The following SRCAP variants were observed in gnomAD, a reference collection of about 807,000 sequenced individuals.
The protein encoded by SRCAP is chromatin remodeling protein SRCAP.
A neutral mutation model predicts 263.1 loss-of-function variants in SRCAP; 46 were observed. That is an observed-to-expected ratio of 0.17 (90% CI 0.14 to 0.22). SRCAP has a LOEUF of 0.22. Among genes scored for constraint, SRCAP ranks in the 10% least tolerant of loss-of-function variants. The pLI is 1.00. For missense variants in SRCAP, 3,695 were observed against 4,181.9 expected, an observed-to-expected ratio of 0.88 and a Z score of 3.21; for synonymous variants, 1,813 against 1,662.1, an observed-to-expected ratio of 1.09 and a Z score of -2.21.
rs1190796094 is a variant in SRCAP, at chr16:30,737,640, G to A, written c.7600G>A (p.Val2534Met). The A allele has an allele frequency of 6.2e-7, 1 of 1,613,792 alleles. No homozygotes were observed. The highest frequency in any genetic ancestry group is 8.5e-7 in the Non-Finnish European group (1 of 1,179,998). ...SSPLLLGPPSVPISASVTNLP... is the reference protein window; with the variant it reads ...SSPLLLGPPSMPISASVTNLP... Reference sequence around the variant, plus strand: ...TCCTCTCTTGCTTGGTCCACCTTCTGTGCCCATCTCTGCCTCAGTCACTAA... The same window carrying A: ...TCCTCTCTTGCTTGGTCCACCTTCTATGCCCATCTCTGCCTCAGTCACTAA... Residue 2534 changes from valine (V) to methionine (M), a missense_variant, in exon 34 of 34, where the codon GTG (valine) becomes ATG (methionine). Coordinates refer to ENST00000262518, the MANE Select transcript of SRCAP (RefSeq NM_006662.3).
At chr16:30,705,260 A>G (rs1367636974) in intron 4 of SRCAP, among the ~76,000 whole-genome samples, 1 of 152,198 alleles carries the variant, frequency 6.6e-6, no homozygotes, top group Non-Finnish European at 1.5e-5. Flanking sequence ...AGATGATGCC[A>G]CTGCACACCA....
chr16:30,729,559 C>G lies in SRCAP; in HGVS notation c.6114C>G (p.Ile2038Met). 6.2e-7 allele frequency: 1 copy of G among 1,614,138 alleles called. No homozygotes were observed. The highest frequency in any genetic ancestry group is 8.5e-7 in the Non-Finnish European group (1 of 1,180,036). ...CCCAGTTCCCTGACTTAAGACTCATCCAGTATGATTGCGGTGAGTTTGTTG... is the reference window on the plus strand; with the variant it reads ...CCCAGTTCCCTGACTTAAGACTCATGCAGTATGATTGCGGTGAGTTTGTTG... ...MRTQFPDLRL[I>M]QYDCGKLQTL... The change falls in exon 27 of 34, where the codon ATC (isoleucine) becomes ATG (methionine). Residue 2038 changes from isoleucine to methionine, a missense_variant. Around this residue, in one of 12 missense-constraint regions of SRCAP, gnomAD observed 138 missense variants for 254.9 expected, o/e 0.54. Transcript: ENST00000262518.
intron 16 of SRCAP, among the ~76,000 whole-genome samples, chr16:30,714,428 C>G (rs1411982435): frequency 6.6e-6 from 1 of 151,412 alleles, no homozygotes; most frequent in African/African-American, 2.4e-5. Flanking sequence ...CCAGGATGGT[C>G]TCGATCTCCT....
Position 30,737,751 on chromosome 16 carries a change from A to G in SRCAP, c.7711A>G (p.Ser2571Gly), listed in dbSNP as rs770501886. ...PESLELASVA[S>G]SETSSLSLVP... ...GTCCCTGGAGCTGGCTTCTGTGGCC[A>G]GTTCAGAAACCTCCTCACTTTCTCT... The change falls in exon 34 of 34, where the codon AGT becomes GGT. Residue 2571 changes from serine (S) to glycine (G), a missense_variant. Coordinates refer to ENST00000262518, the MANE Select transcript of SRCAP (RefSeq NM_006662.3). 1.2e-6 allele frequency: 2 copies of G among 1,614,178 alleles called. No individual in the cohort carries two copies. The highest frequency in any genetic ancestry group is 1.1e-5 in the South Asian group (1 of 91,084).
At chr16:30,720,128 CTTCT>C in intron 18 of SRCAP, 30 bp from the exon 19 acceptor site, 7 of 1,584,906 alleles carry the variant, frequency 4.4e-6, no homozygotes, top group Non-Finnish European at 6.0e-6. Context: ...TGATTTTGTT[CTTCT>C]TTATGACTGT....
chr16:30,728,751 GAGAA>G (rs977820660), intron 25 of SRCAP, among the ~76,000 whole-genome samples: 6 of 152,124 alleles, frequency 3.9e-5, no homozygotes, highest in Admixed American at 1.3e-4. Context: ...CATAACTTCT[GAGAA>G]AGAATAGTTA....
At chr16:30,713,420 A>G (rs2052912858) in intron 15 of SRCAP, 43 bp downstream of exon 15, 1 of 1,612,882 alleles carries the variant, frequency 6.2e-7, no homozygotes, top group South Asian at 1.1e-5. Context: ...TGACTTGGCT[A>G]GAAGGGAGGG....
rs778738758 is a variant in SRCAP, at chr16:30,709,971, G to T, written c.977G>T (p.Arg326Leu). 4 of 1,614,216 alleles carry T rather than the reference G, an allele frequency of 2.5e-6. 1 individual carries two copies. Among genetic ancestry groups the T allele is most frequent in the Middle Eastern group, 1.6e-4 (1 of 6,062 alleles). ...AGGCGTGAGATTGAGCTGCTTCGCC[G>T]TGAGGGAGAATTGCCACTGGAAGAG... ...AQRREIELLR[R>L]EGELPLEELL... Residue 326 changes from arginine to leucine, a missense_variant, in exon 8 of 34, where the codon CGT becomes CTT. By Grantham distance (102) the Arg-to-Leu change is moderately radical (BLOSUM62 -2). Around this residue, in one of 12 missense-constraint regions of SRCAP, gnomAD observed 30 missense variants for 54.1 expected, o/e 0.55. Transcript: ENST00000262518.
chr16:30,727,889 G>A (rs2053078160), intron 25 of SRCAP, among the ~76,000 whole-genome samples: 1 of 152,042 alleles, frequency 6.6e-6, no homozygotes, highest in African/African-American at 2.4e-5. Flanking sequence ...GTTTTGCCAT[G>A]TTGCCCAAAC....
chr16:30,733,810 T>A lies in SRCAP; in HGVS notation c.6494+12T>A. Reference sequence around the variant, plus strand: ...GTCCACATATATAGGTATTGCCTAGTCTTCCCTCACCTTACTTTCCGTTTA... The same window carrying A: ...GTCCACATATATAGGTATTGCCTAGACTTCCCTCACCTTACTTTCCGTTTA... On this transcript the variant is annotated intron_variant, in intron 29 of 33. Coordinates refer to ENST00000262518, the MANE Select transcript of SRCAP (RefSeq NM_006662.3). The surrounding 1 kb of genome is among the most constrained non-coding windows in gnomAD (Gnocchi z 5.3). The A allele has an allele frequency of 6.2e-7, 1 of 1,612,228 alleles. No individual in the cohort carries two copies. The highest frequency in any genetic ancestry group is 2.2e-5 in the East Asian group (1 of 44,852).
Position 30,737,431 on chromosome 16 carries a change from C to A in SRCAP, c.7391C>A (p.Ala2464Asp). The change falls in exon 34 of 34, where the codon GCC becomes GAC. Residue 2464 changes from alanine to aspartate, a missense_variant. Around this residue, in one of 12 missense-constraint regions of SRCAP, gnomAD observed 1,207 missense variants for 1,142.9 expected, o/e 1.06. Coordinates refer to ENST00000262518, the MANE Select transcript of SRCAP (RefSeq NM_006662.3). ...GCCCTTGTTCCTGTCCCAGTTTCTG[C>A]CCCAGTACCCATTTCAGCCCCAAAT... ...IPALVPVPVSAPVPISAPNPI... is the reference protein window; with the variant it reads ...IPALVPVPVSDPVPISAPNPI... 1 of 1,598,714 alleles carries A rather than the reference C, an allele frequency of 6.3e-7. No individual in the cohort carries two copies. Among genetic ancestry groups the A allele is most frequent in the Non-Finnish European group, 8.5e-7 (1 of 1,171,914 alleles).
intron 16 of SRCAP, among the ~76,000 whole-genome samples, chr16:30,715,409 C>CA (rs1309885136): frequency 6.6e-6 from 1 of 151,948 alleles, no homozygotes; most frequent in Non-Finnish European, 1.5e-5. Flanking sequence ...ACTAAAAATA[C>CA]AAAAAATTAG....
rs2053208309 is a variant in SRCAP at position 30,739,930 on chromosome 16, C to T, written c.*197C>T. On this transcript the variant is annotated 3_prime_UTR_variant, in exon 34 of 34. Transcript: ENST00000262518. Reference sequence around the variant, plus strand: ...TGGGGATCATCACAGTCCCCTTCCCCTTCACCCCACGTGGCTGGGCAGTGT... The same window carrying T: ...TGGGGATCATCACAGTCCCCTTCCCTTTCACCCCACGTGGCTGGGCAGTGT... The T allele has an allele frequency of 1.2e-6, 1 of 836,914 alleles. No individual in the cohort carries two copies. The highest frequency in any genetic ancestry group is 1.8e-5 in the African/African-American group (1 of 57,050). 51.8% of individuals were successfully genotyped at this position (836,914 alleles called of 1,614,324 possible). A position where few individuals can be genotyped will look rare whatever the true frequency, so the allele number is the denominator to read the frequency against.
chr16:30,704,664 C>T (rs2151284946), intron 4 of SRCAP, among the ~76,000 whole-genome samples: 2 of 152,016 alleles, frequency 1.3e-5, no homozygotes, highest in East Asian at 1.9e-4. Flanking sequence ...GTGGTAAAAC[C>T]CCATCTCTGT....
In SRCAP at chr16:30,739,165, G is replaced by A. The variant is rs762220437; in HGVS notation, c.9125G>A (p.Arg3042Gln). ...GAGAGCTGTGGATTGGGGAGGCGACGGCAACCCCAGGGCCAAGGGGAGAGT... is the reference window on the plus strand; with the variant it reads ...GAGAGCTGTGGATTGGGGAGGCGACAGCAACCCCAGGGCCAAGGGGAGAGT... ...VLESCGLGRR[R>Q]QPQGQGESEG... The change falls in exon 34 of 34, where the codon CGG becomes CAG. Residue 3042 changes from arginine to glutamine, a missense_variant. Coordinates refer to ENST00000262518, the MANE Select transcript of SRCAP (RefSeq NM_006662.3). 9.9e-6 allele frequency: 16 copies of A among 1,613,856 alleles called. No individual in the cohort carries two copies. Among genetic ancestry groups the A allele is most frequent in the African/African-American group, 4.0e-5 (3 of 74,926 alleles).
rs562980604 is a variant in SRCAP, at chr16:30,740,865, C to G, written c.*1132C>G. 1.3e-5 allele frequency: 2 copies of G among 152,424 alleles called. No individual in the cohort carries two copies. Among genetic ancestry groups the G allele is most frequent in the African/African-American group, 4.8e-5 (2 of 41,570 alleles). The allele number at this position is 152,424 out of a possible 1,614,324, so 9.4% of individuals were successfully genotyped here. A position where few individuals can be genotyped will look rare whatever the true frequency, so the allele number is the denominator to read the frequency against. ...CATTCTTTGCTCTCTACTTGTCTCG[C>G]CCCTTTCACCTTTCCTATCCTTCGT... On this transcript the variant is annotated 3_prime_UTR_variant, in exon 34 of 34. Coordinates refer to ENST00000262518, the MANE Select transcript of SRCAP (RefSeq NM_006662.3).
Position 30,734,549 on chromosome 16 carries a change from C to T in SRCAP, c.6663C>T (p.Ser2221=), listed in dbSNP as rs755312139. Residue 2221 remains serine (S), a synonymous_variant, in exon 31 of 34, where the codon TCC becomes TCT. Coordinates refer to ENST00000262518, the MANE Select transcript of SRCAP (RefSeq NM_006662.3). ...CCCTGGAGGAACCTTCTAGCTCATC[C>T]GTGCCCTCTGCCCCTGAAGAGGAGG... The part of the protein sequence containing the change: ...DMPLEEPSSS[S]VPSAPEEEEE... 3.2e-5 allele frequency: 52 copies of T among 1,613,828 alleles called. No homozygotes were observed. Among genetic ancestry groups the T allele is most frequent in the African/African-American group, 4.0e-5 (3 of 74,852 alleles).
In SRCAP at chr16:30,723,311, T is replaced by C. The variant is rs1205656489; in HGVS notation, c.4159+82T>C. 4.6e-6 allele frequency: 7 copies of C among 1,512,578 alleles called. No homozygotes were observed. The African/African-American group carries it at 8.4e-5, about 18-fold the overall frequency. 93.7% of individuals were successfully genotyped at this position (1,512,578 alleles called of 1,614,324 possible). Reference sequence around the variant, plus strand: ...TCGCCTCAAGGTTTCTTAGTTTTAGTACAGGTTTTTTCATATCAGCGTACT... The same window carrying C: ...TCGCCTCAAGGTTTCTTAGTTTTAGCACAGGTTTTTTCATATCAGCGTACT... On this transcript the variant is annotated intron_variant, in intron 24 of 33. Transcript: ENST00000262518.
Position 30,724,385 on chromosome 16 carries a change from T to C in SRCAP, c.4961T>C (p.Val1654Ala). ...SASPVPAPTPVLAPSSTQTML... is the reference protein window; with the variant it reads ...SASPVPAPTPALAPSSTQTML... ...TCACCGGTACCAGCTCCAACCCCTG[T>C]GTTGGCTCCATCATCAACTCAAACT... Residue 1654 changes from valine (V) to alanine (A), a missense_variant, in exon 25 of 34, where the codon GTG (valine) becomes GCG (alanine). Around this residue, in one of 12 missense-constraint regions of SRCAP, gnomAD observed 1,347 missense variants for 1,304.4 expected, o/e 1.03. Transcript: ENST00000262518. 1.2e-6 allele frequency: 2 copies of C among 1,614,184 alleles called. No homozygotes were observed. The highest frequency in any genetic ancestry group is 2.2e-5 in the South Asian group (2 of 91,080).
Sources: gnomAD v4.1 joint callset for allele counts (sites outside exome capture counted in the v4.1 genomes callset) on GRCh38, gnomAD v4.1.1 for gene constraint, gnomAD v4.1.1 regional missense constraint, Gnocchi (gnomAD v3.1) non-coding constraint, MANE v1.5 for transcripts, NCBI Gene and HGNC (gene_info 2026-07-23, HGNC 2026-07-21) for gene names.